The following PDGFD variants were observed in gnomAD, a reference collection of about 807,000 sequenced individuals.
The protein encoded by PDGFD is platelet-derived growth factor D.
Under a neutral mutation model 44.7 loss-of-function variants are expected in PDGFD, and 30 were observed. The ratio of observed to expected loss-of-function variants is 0.67; its 90% CI spans 0.50 to 0.91. PDGFD has a LOEUF of 0.91. PDGFD is among the 40% of genes least tolerant of loss of function. The pLI is 0.00. For synonymous variants in PDGFD, 173 were observed against 168.4 expected (o/e 1.03, Z -0.21); for missense variants, 445 against 457.8 (o/e 0.97, Z 0.25).
chr11:103,966,552 T>C (rs1859023171), intron 3 of PDGFD, among the ~76,000 whole-genome samples: 1 of 152,206 alleles, frequency 6.6e-6, no homozygotes, highest in Non-Finnish European at 1.5e-5. Context: ...CGCTGCATTA[T>C]CCTCTGCCAA....
At chr11:103,970,613 G>A (rs543540665) in intron 3 of PDGFD, among the ~76,000 whole-genome samples, 26 of 152,206 alleles carry the variant, frequency 1.7e-4, no homozygotes, top group Non-Finnish European at 3.1e-4. Flanking sequence ...AATGACTTAA[G>A]AGGCAAGATT....
At chr11:104,048,207 A>C (rs1015987838) in intron 1 of PDGFD, among the ~76,000 whole-genome samples, 2 of 152,130 alleles carry the variant, frequency 1.3e-5, no homozygotes, top group Non-Finnish European at 2.9e-5. Flanking sequence ...CCATGTCTTC[A>C]TTTTGAGGGT....
In PDGFD at chr11:103,909,605, T is replaced by C; in HGVS notation, c.*89A>G. The C allele has an allele frequency of 6.6e-7, 1 of 1,514,970 alleles. No homozygotes were observed. The highest frequency in any genetic ancestry group is 1.4e-5 in the African/African-American group (1 of 72,944). The allele number at this position is 1,514,970 out of a possible 1,614,324, so 93.8% of individuals were successfully genotyped here. A position where few individuals can be genotyped will look rare whatever the true frequency, so the allele number is the denominator to read the frequency against. ...CATTGCATTGCAGGCTAGTAGTAAG[T>C]TTGGTTGCTGGTAGGAAAAGGGTCT... On this transcript the variant is annotated 3_prime_UTR_variant, in exon 7 of 7. Coordinates refer to ENST00000393158, the MANE Select transcript of PDGFD (RefSeq NM_025208.5).
intron 3 of PDGFD, among the ~76,000 whole-genome samples, chr11:103,984,219 C>A (rs1014687016): frequency 6.6e-6 from 1 of 151,620 alleles, no homozygotes; most frequent in Non-Finnish European, 1.5e-5. Context: ...CTATGGAATA[C>A]AATGCAGCCA....
intron 1 of PDGFD, among the ~76,000 whole-genome samples, chr11:104,023,054 T>G (rs534173945): frequency 6.6e-6 from 1 of 152,236 alleles, no homozygotes; most frequent in East Asian, 1.9e-4. Context: ...CTGTGGTAGC[T>G]CACTTAATAA....
intron 6 of PDGFD, among the ~76,000 whole-genome samples, chr11:103,925,490 C>G (rs1216660692): frequency 6.6e-6 from 1 of 151,768 alleles, no homozygotes; most frequent in African/African-American, 2.4e-5. Context: ...CAGAGCAACT[C>G]TGGAAGGGGT....
chr11:104,055,408 G>T (rs996273105), intron 1 of PDGFD, among the ~76,000 whole-genome samples: 5 of 152,110 alleles, frequency 3.3e-5, no homozygotes, highest in Non-Finnish European at 5.9e-5. Context: ...GGTAACTTTG[G>T]CTCCAGGATC....
intron 1 of PDGFD, among the ~76,000 whole-genome samples, chr11:104,094,483 AC>A (rs1040436903): frequency 1.4e-4 from 21 of 152,078 alleles, no homozygotes; most frequent in African/African-American, 4.3e-4. Context: ...AGCATCTCAA[AC>A]TTCACTTTTC....
At chr11:104,015,786 A>C (rs1354066228) in intron 1 of PDGFD, among the ~76,000 whole-genome samples, 1 of 152,172 alleles carries the variant, frequency 6.6e-6, no homozygotes, top group Non-Finnish European at 1.5e-5. Context: ...TGGTTGTCCA[A>C]TTTAGCCATT....
chr11:103,933,167 C>T (rs1220282144), intron 5 of PDGFD, among the ~76,000 whole-genome samples: 1 of 151,908 alleles, frequency 6.6e-6, no homozygotes, highest in Non-Finnish European at 1.5e-5. Context: ...GTTGCAGCAC[C>T]AGGTTTATGA....
chr11:104,101,611 A>G (rs1168655954), intron 1 of PDGFD, among the ~76,000 whole-genome samples: 1 of 152,180 alleles, frequency 6.6e-6, no homozygotes, highest in Non-Finnish European at 1.5e-5. Context: ...AAGAGCCCTC[A>G]TCGCCAAGTC....
intron 1 of PDGFD, among the ~76,000 whole-genome samples, chr11:104,144,538 A>ACC (rs1591185463): frequency 1.1e-4 from 15 of 134,310 alleles, no homozygotes; most frequent in East Asian, 2.2e-4. Flanking sequence ...ACCCAACAAA[A>ACC]CAAAACAAAC....
At chr11:104,037,412 G>A in intron 1 of PDGFD, 1 of 1,614,110 alleles carries the variant, frequency 6.2e-7, no homozygotes, top group Non-Finnish European at 8.5e-7. Context: ...GAGCAAGAGA[G>A]GCTTCGTCTC....
Position 104,045,975 on chromosome 11 carries a change from G to T in PDGFD, c.125-45720C>A, listed in dbSNP as rs989202758. Among the ~76,000 whole-genome samples, 9 of 146,726 alleles carry T rather than the reference G, an allele frequency of 6.1e-5. 1 individual carries two copies. Among genetic ancestry groups the T allele is most frequent in the African/African-American group, 2.2e-4 (9 of 40,308 alleles). ...AGGAACTGTAAAGAGTCCAGAAACT[G>T]GGGGGCAAGCAGAGGAAGATATTAC... On this transcript the variant is annotated intron_variant, in intron 1 of 6. Coordinates refer to ENST00000393158, the MANE Select transcript of PDGFD (RefSeq NM_025208.5).
At chr11:104,046,309 G>T (rs1040270704) in intron 1 of PDGFD, among the ~76,000 whole-genome samples, 7 of 147,392 alleles carry the variant, frequency 4.7e-5, no homozygotes, top group African/African-American at 1.7e-4. Flanking sequence ...CTCATCAAGA[G>T]TTCAGAATTA....
chr11:104,046,868 T>G (rs1591137629), intron 1 of PDGFD, among the ~76,000 whole-genome samples: 1 of 146,606 alleles, frequency 6.8e-6, no homozygotes, highest in South Asian at 2.4e-4. Context: ...ATTAGGTATT[T>G]ATCCTAATGC....
intron 1 of PDGFD, among the ~76,000 whole-genome samples, chr11:104,009,319 C>A (rs1190192269): frequency 6.6e-6 from 1 of 152,020 alleles, no homozygotes; most frequent in Non-Finnish European, 1.5e-5. Flanking sequence ...AAGCAATATA[C>A]AAAATCGGTG....
chr11:103,994,089 A>C (rs905204492), intron 3 of PDGFD, among the ~76,000 whole-genome samples: 1 of 152,216 alleles, frequency 6.6e-6, no homozygotes, highest in African/African-American at 2.4e-5. Context: ...CACATCAAAC[A>C]AAAGTATCCA....
chr11:103,926,833 GA>G, intron 6 of PDGFD, 78 bp downstream of exon 6: 1 of 1,431,360 alleles, frequency 7.0e-7, no homozygotes, highest in African/African-American at 1.4e-5. Context: ...TGAACAACCT[GA>G]ACAACTGTAT....
Sources: gnomAD v4.1 joint callset for allele counts (sites outside exome capture counted in the v4.1 genomes callset) on GRCh38, gnomAD v4.1.1 for gene constraint, MANE v1.5 for transcripts, NCBI Gene and HGNC (gene_info 2026-07-23, HGNC 2026-07-21) for gene names.